Variants in NXPH1 observed in about 807,000 individuals in gnomAD.
NXPH1 encodes the protein neurexophilin-1.
NXPH1 carries 5 observed loss-of-function variants against 23.7 expected under a neutral mutation model. That is an observed-to-expected ratio of 0.21 (90% CI 0.11 to 0.44). The LOEUF (loss-of-function observed/expected upper bound fraction) is 0.44. Among genes scored for constraint, NXPH1 ranks in the 20% least tolerant of loss-of-function variants. The pLI is 0.99. For synonymous variants in NXPH1, 144 were observed against 122.2 expected (o/e 1.18, Z -1.18); for missense variants, 324 against 321.6 (o/e 1.01, Z -0.06).
intron 2 of NXPH1, among the ~76,000 whole-genome samples, chr7:8,479,158 T>A (rs1341184252): frequency 6.6e-6 from 1 of 152,044 alleles, no homozygotes; most frequent in Non-Finnish European, 1.5e-5. Context: ...GGGTTAAAGA[T>A]CAAGTATCTA....
At chr7:8,574,628 T>A (rs1267777682) in intron 2 of NXPH1, among the ~76,000 whole-genome samples, 2 of 152,156 alleles carry the variant, frequency 1.3e-5, no homozygotes, top group Non-Finnish European at 2.9e-5. Context: ...CTGCATCACA[T>A]GTACTTAGTG....
intron 2 of NXPH1, among the ~76,000 whole-genome samples, chr7:8,687,880 T>G (rs562052717): frequency 6.6e-6 from 1 of 152,254 alleles, no homozygotes; most frequent in East Asian, 1.9e-4. Context: ...AAATGTTATT[T>G]TATTTTTAAT....
intron 2 of NXPH1, among the ~76,000 whole-genome samples, chr7:8,737,117 T>A (rs1425253712): frequency 2.6e-5 from 4 of 152,188 alleles, no homozygotes; most frequent in Non-Finnish European, 5.9e-5. Flanking sequence ...ATTGGAGCTT[T>A]TAGCCCATTT....
chr7:8,699,810 G>C (rs1456663923), intron 2 of NXPH1, among the ~76,000 whole-genome samples: 1 of 152,042 alleles, frequency 6.6e-6, no homozygotes, highest in African/African-American at 2.4e-5. Flanking sequence ...CAATATCATG[G>C]AGGATTTCTT....
intron 2 of NXPH1, among the ~76,000 whole-genome samples, chr7:8,561,959 C>T (rs1026544109): frequency 6.6e-5 from 10 of 151,602 alleles, no homozygotes; most frequent in South Asian, 2.1e-4. Context: ...CATAGTGAAA[C>T]GGTTACTACG....
At chr7:8,737,019 CGTGT>C (rs1780269667) in intron 2 of NXPH1, among the ~76,000 whole-genome samples, 1 of 151,296 alleles carries the variant, frequency 6.6e-6, no homozygotes, top group Non-Finnish European at 1.5e-5. Flanking sequence ...TTTGAGCGTG[CGTGT>C]GTGTTTGCAT....
chr7:8,688,036 T>C (rs1029603365), intron 2 of NXPH1, among the ~76,000 whole-genome samples: 1 of 152,140 alleles, frequency 6.6e-6, no homozygotes, highest in Non-Finnish European at 1.5e-5. Context: ...GATTCCTTAT[T>C]TGAATATTGT....
intron 2 of NXPH1, among the ~76,000 whole-genome samples, chr7:8,682,188 G>C (rs1323646064): frequency 6.6e-6 from 1 of 152,168 alleles, no homozygotes; most frequent in Admixed American, 6.5e-5. Flanking sequence ...TTAGGGTCCT[G>C]AGGAGCACAG....
chr7:8,588,180 G>A (rs1364460430), intron 2 of NXPH1, among the ~76,000 whole-genome samples: 25 of 152,142 alleles, frequency 1.6e-4, no homozygotes, highest in Non-Finnish European at 1.5e-5. Context: ...CATTGTGGAA[G>A]ACAGTGTGGC....
chr7:8,618,281 TTCAC>T (rs1037628320), intron 2 of NXPH1, among the ~76,000 whole-genome samples: 4 of 152,126 alleles, frequency 2.6e-5, no homozygotes, highest in African/African-American at 9.7e-5. Flanking sequence ...ATTTGATATT[TTCAC>T]TCAATTATCT....
Position 8,567,180 on chromosome 7 carries a change from A to G in NXPH1, c.54+131413A>G, listed in dbSNP as rs553532672. 2.0e-5 allele frequency among the ~76,000 whole-genome samples: 3 copies of G among 152,010 alleles called. No individual in the cohort carries two copies. The South Asian group carries it at 6.2e-4, about 32-fold the overall frequency. ...TGTTTCCAACTCTAAATATGATTTTATCTCCCCCAAATAACAGTTTAAGTT... is the reference window on the plus strand; with the variant it reads ...TGTTTCCAACTCTAAATATGATTTTGTCTCCCCCAAATAACAGTTTAAGTT... On this transcript the variant is annotated intron_variant, in intron 2 of 2. Coordinates refer to ENST00000405863, the MANE Select transcript of NXPH1 (RefSeq NM_152745.3).
chr7:8,583,797 T>A (rs1384963762), intron 2 of NXPH1, among the ~76,000 whole-genome samples: 1 of 152,188 alleles, frequency 6.6e-6, no homozygotes, highest in East Asian at 1.9e-4. Flanking sequence ...ATTCCCTCTT[T>A]ATCTTTTGGA....
chr7:8,461,188 G>T (rs1357507109), intron 2 of NXPH1, among the ~76,000 whole-genome samples: 1 of 152,166 alleles, frequency 6.6e-6, no homozygotes, highest in African/African-American at 2.4e-5. Context: ...CTTGCATTCA[G>T]TCTCTAATTG....
chr7:8,460,625 C>T (rs1816677233), intron 2 of NXPH1, among the ~76,000 whole-genome samples: 1 of 152,060 alleles, frequency 6.6e-6, no homozygotes, highest in Admixed American at 6.5e-5. Context: ...AGCTCTGATC[C>T]CTCTAGATGA....
At chr7:8,699,407 G>A (rs1390913801) in intron 2 of NXPH1, among the ~76,000 whole-genome samples, 4 of 150,758 alleles carry the variant, frequency 2.7e-5, no homozygotes, top group African/African-American at 9.7e-5. Flanking sequence ...ATAGTGAAAT[G>A]TTCTTTTTGG....
rs115820699 is a variant in NXPH1 at position 8,705,991 on chromosome 7, A to G, written c.55-45017A>G. On this transcript the variant is annotated intron_variant, in intron 2 of 2. Transcript: ENST00000405863. ...TCTGCAGCTAGTAACACTGCAGTGC[A>G]AACTACTCTTCTACATAGGCCTAGT... 6.5e-3 allele frequency among the ~76,000 whole-genome samples: 984 copies of G among 152,320 alleles called. 6 individuals are homozygous for G. Among genetic ancestry groups the G allele is most frequent in the African/African-American group, 0.023 (954 of 41,560 alleles).
chr7:8,530,169 C>T (rs541541995), intron 2 of NXPH1, among the ~76,000 whole-genome samples: 91 of 152,200 alleles, frequency 6.0e-4, no homozygotes, highest in Admixed American at 1.0e-3. Context: ...TGGACTTACC[C>T]TATGGATGGG....
chr7:8,453,516 A>T (rs965049555), intron 2 of NXPH1, among the ~76,000 whole-genome samples: 2 of 152,138 alleles, frequency 1.3e-5, no homozygotes, highest in Non-Finnish European at 2.9e-5. Flanking sequence ...CTTACTCATG[A>T]GTTGTAAAGA....
intron 2 of NXPH1, among the ~76,000 whole-genome samples, chr7:8,451,467 T>C (rs1244659000): frequency 6.6e-6 from 1 of 152,222 alleles, no homozygotes; most frequent in East Asian, 1.9e-4. Flanking sequence ...TTTGGGAATA[T>C]GAACATACCA....
Sources: gnomAD v4.1 joint callset for allele counts (sites outside exome capture counted in the v4.1 genomes callset) on GRCh38, gnomAD v4.1.1 for gene constraint, MANE v1.5 for transcripts, NCBI Gene and HGNC (gene_info 2026-07-23, HGNC 2026-07-21) for gene names.